KAZN: variants seen among roughly 807,000 people sequenced by gnomAD.
KAZN encodes kazrin.
KAZN carries 40 observed loss-of-function variants against 87.4 expected under a neutral mutation model. That is an observed-to-expected ratio of 0.46 (90% CI 0.36 to 0.60). The LOEUF (loss-of-function observed/expected upper bound fraction) is 0.60, where lower values mean the gene tolerates loss of function less well. Among genes scored for constraint, KAZN ranks in the 20% least tolerant of loss-of-function variants. The pLI is 0.00. For missense variants in KAZN, 898 were observed against 1,073.9 expected (o/e 0.84, Z 2.29); for synonymous variants, 466 against 458.3 (o/e 1.02, Z -0.22).
chr1:14,051,116 G>A (rs571595553), intron 1 of KAZN, among the ~76,000 whole-genome samples: 4 of 152,136 alleles, frequency 2.6e-5, no homozygotes, highest in Admixed American at 6.5e-5. Flanking sequence ...GGGGGTCAGT[G>A]GATGGAAAAT....
At chr1:14,662,871 A>G (rs1639271564) in intron 1 of KAZN, among the ~76,000 whole-genome samples, 1 of 147,940 alleles carries the variant, frequency 6.8e-6, no homozygotes, top group African/African-American at 2.5e-5. Flanking sequence ...TATTGCCAAT[A>G]CTTATATATA....
intron 2 of KAZN, among the ~76,000 whole-genome samples, chr1:14,241,839 CTT>C (rs1370815070): frequency 3.3e-5 from 5 of 152,192 alleles, no homozygotes. Context: ...ATATCTGTCT[CTT>C]AAAAAAATTC....
intron 2 of KAZN, among the ~76,000 whole-genome samples, chr1:14,445,724 A>G (rs934408131): frequency 6.6e-6 from 1 of 152,186 alleles, no homozygotes; most frequent in Non-Finnish European, 1.5e-5. Context: ...CTGAGGCTCA[A>G]TGCCACTGGG....
At chr1:14,092,258 T>C (rs1002302422) in intron 1 of KAZN, among the ~76,000 whole-genome samples, 1 of 151,098 alleles carries the variant, frequency 6.6e-6, no homozygotes, top group Non-Finnish European at 1.5e-5. Context: ...GCCCAGCTCA[T>C]TTTTTTGTAT....
intron 2 of KAZN, among the ~76,000 whole-genome samples, chr1:15,027,765 A>C (rs1409806990): frequency 6.6e-6 from 1 of 152,176 alleles, no homozygotes; most frequent in Admixed American, 6.5e-5. Context: ...GGGTACACCC[A>C]GGCTGGAAAT....
chr1:14,600,666 C>CAAAAAAAAAAAAAA (rs59840012), intron 1 of KAZN, among the ~76,000 whole-genome samples: 1 of 118,508 alleles, frequency 8.4e-6, no homozygotes, highest in Non-Finnish European at 1.8e-5. Flanking sequence ...GGAACCTGTG[C>CAAAAAAAAAAAAAA]AAAAAAAAAA....
chr1:14,401,331 A>G (rs1663391569), intron 2 of KAZN, among the ~76,000 whole-genome samples: 2 of 151,974 alleles, frequency 1.3e-5, no homozygotes, highest in Admixed American at 1.3e-4. Context: ...AGAAGCACAA[A>G]AGAGAGAAGA....
At chr1:14,736,993 G>A (rs983628714) in intron 1 of KAZN, among the ~76,000 whole-genome samples, 6 of 152,162 alleles carry the variant, frequency 3.9e-5, no homozygotes, top group African/African-American at 1.2e-4. Context: ...ATCGGCGATC[G>A]AGATCAATAA....
intron 1 of KAZN, among the ~76,000 whole-genome samples, chr1:14,084,967 T>A (rs1445340332): frequency 2.6e-5 from 4 of 152,004 alleles, no homozygotes; most frequent in African/African-American, 9.7e-5. Context: ...TATGAGTGTA[T>A]GTGTGTATGT....
Position 14,128,817 on chromosome 1 carries a change from T to A in KAZN, c.92-51618T>A, listed in dbSNP as rs184946287. On this transcript the variant is annotated intron_variant, in intron 1 of 16. Coordinates refer to the KAZN transcript ENST00000636203. ...AGACTGGAAGCCACCCCAGAATAGA[T>A]GTCACACATTAACCATAGCGTCAGG... Among the ~76,000 whole-genome samples, 414 of 152,256 alleles carry A rather than the reference T, an allele frequency of 2.7e-3. 1 individual carries two copies. The highest frequency in any genetic ancestry group is 9.2e-3 in the African/African-American group (384 of 41,554).
intron 2 of KAZN, among the ~76,000 whole-genome samples, chr1:14,277,141 T>C (rs906729957): frequency 5.3e-5 from 8 of 152,174 alleles, no homozygotes; most frequent in Admixed American, 2.0e-4. Flanking sequence ...GAAAATAATA[T>C]AAAGAACGCC....
At chr1:14,289,335 T>C (rs1178664282) in intron 2 of KAZN, among the ~76,000 whole-genome samples, 1 of 152,218 alleles carries the variant, frequency 6.6e-6, no homozygotes, top group Non-Finnish European at 1.5e-5. Context: ...TGTAGGTCTC[T>C]AAGGACTTGC....
At chr1:14,199,421 C>T (rs1198375180) in intron 2 of KAZN, among the ~76,000 whole-genome samples, 7 of 152,198 alleles carry the variant, frequency 4.6e-5, no homozygotes, top group Non-Finnish European at 8.8e-5. Context: ...TGTCACCTCT[C>T]GCAGGGCCCT....
chr1:14,482,029 G>T (rs954584995), intron 2 of KAZN, among the ~76,000 whole-genome samples: 3 of 152,190 alleles, frequency 2.0e-5, no homozygotes, highest in East Asian at 1.9e-4. Flanking sequence ...CTTCCCAAAG[G>T]CTTCATCCAC....
chr1:14,477,408 T>A (rs1344402476), intron 2 of KAZN, among the ~76,000 whole-genome samples: 16 of 149,430 alleles, frequency 1.1e-4, no homozygotes, highest in African/African-American at 4.0e-4. Flanking sequence ...TAATATACAC[T>A]CCCAGGTAAT....
At chr1:14,036,865 C>T (rs4662078) in intron 1 of KAZN, among the ~76,000 whole-genome samples, 110,885 of 150,858 alleles carry the variant, frequency 0.74, 40,779 homozygotes, top group Admixed American at 0.83. Context: ...CTGCAACCTC[C>T]GCCTCCCAGG....
At chr1:14,182,650 T>C (rs1646222326) in intron 2 of KAZN, among the ~76,000 whole-genome samples, 1 of 152,190 alleles carries the variant, frequency 6.6e-6, no homozygotes. Context: ...AGGGATGATA[T>C]GTGATTTTGA....
At chr1:14,976,645 T>G (rs2101870692) in intron 2 of KAZN, among the ~76,000 whole-genome samples, 1 of 152,302 alleles carries the variant, frequency 6.6e-6, no homozygotes, top group South Asian at 2.1e-4. Flanking sequence ...TTGGTTTGGC[T>G]TCTTGGCTGA....
chr1:15,078,558 T>TG (rs1452717183), intron 8 of KAZN, among the ~76,000 whole-genome samples: 1 of 152,160 alleles, frequency 6.6e-6, no homozygotes, highest in Admixed American at 6.5e-5. Context: ...ATTCAAGGGC[T>TG]GGAGGGAGGC....
Sources: gnomAD v4.1 joint callset for allele counts (sites outside exome capture counted in the v4.1 genomes callset) on GRCh38, gnomAD v4.1.1 for gene constraint, MANE v1.5 for transcripts, NCBI Gene and HGNC (gene_info 2026-07-23, HGNC 2026-07-21) for gene names.